The following NREP variants were observed in gnomAD, a reference collection of about 807,000 sequenced individuals.
NREP encodes neuronal regeneration related protein.
In NREP, 5 loss-of-function variants were observed where a neutral mutation model predicts 8.6. The observed-to-expected ratio is 0.58, with a 90% CI of 0.30 to 1.22. The LOEUF (loss-of-function observed/expected upper bound fraction) is 1.22. Among genes scored for constraint, NREP ranks in the 50% most tolerant of loss-of-function variants. The pLI is 0.07. For missense variants in NREP, 86 were observed against 82.5 expected, an observed-to-expected ratio of 1.04 and a Z score of -0.17; for synonymous variants, 27 against 28.0, an observed-to-expected ratio of 0.96 and a Z score of 0.11.
At chr5:111,856,168 C>T (rs1405292171) in intron 2 of NREP, among the ~76,000 whole-genome samples, 1 of 152,296 alleles carries the variant, frequency 6.6e-6, no homozygotes, top group East Asian at 1.9e-4. Context: ...CAGAGAAGCT[C>T]ATCCCAAAGG....
intron 2 of NREP, among the ~76,000 whole-genome samples, chr5:111,824,250 T>A (rs111630959): frequency 0.051 from 7,815 of 152,152 alleles, 475 homozygotes; most frequent in East Asian, 0.24. Context: ...GCACCTGTAA[T>A]CCCAGCTACT....
intron 2 of NREP, among the ~76,000 whole-genome samples, chr5:111,885,314 T>G (rs551080176): frequency 0.019 from 2,873 of 151,228 alleles, 38 homozygotes; most frequent in Non-Finnish European, 0.026. Flanking sequence ...CACTGCTCAA[T>G]GAAATAAAAG....
chr5:111,840,805 G>A (rs1398114114), intron 2 of NREP, among the ~76,000 whole-genome samples: 2 of 152,134 alleles, frequency 1.3e-5, no homozygotes, highest in Middle Eastern at 3.2e-3. Flanking sequence ...GATGTTGACA[G>A]GAAAAACTAT....
At chr5:111,797,197 C>T (rs1751893416) in intron 2 of NREP, among the ~76,000 whole-genome samples, 1 of 152,130 alleles carries the variant, frequency 6.6e-6, no homozygotes, top group Non-Finnish European at 1.5e-5. Context: ...TTTATCCATT[C>T]AATAAATATT....
At chr5:111,867,457 T>C (rs1753694314) in intron 2 of NREP, among the ~76,000 whole-genome samples, 1 of 152,156 alleles carries the variant, frequency 6.6e-6, no homozygotes, top group South Asian at 2.1e-4. Flanking sequence ...AGGCCACCAA[T>C]GCTGTTGGAT....
chr5:111,917,021 G>A (rs115626997), intron 2 of NREP, among the ~76,000 whole-genome samples: 3,045 of 152,172 alleles, frequency 0.02, 49 homozygotes, highest in Non-Finnish European at 0.028. Flanking sequence ...ATCCAATGTG[G>A]CATTTGACCT....
chr5:111,750,244 T>C (rs2112838126), intron 2 of NREP, among the ~76,000 whole-genome samples: 1 of 152,250 alleles, frequency 6.6e-6, no homozygotes, highest in East Asian at 1.9e-4. Context: ...GGAATACTCC[T>C]CTCTCTCATC....
At chr5:111,759,162 C>T (rs1750898217), upstream of NREP, among the ~76,000 whole-genome samples, 1 of 152,098 alleles carries the variant, frequency 6.6e-6, no homozygotes, top group South Asian at 2.1e-4. Context: ...AAGTCTGGAA[C>T]CCCAACACGC....
intron 2 of NREP, among the ~76,000 whole-genome samples, chr5:111,880,852 T>C (rs1166680663): frequency 3.4e-5 from 5 of 148,924 alleles, no homozygotes; most frequent in African/African-American, 1.2e-4. Flanking sequence ...GCAGCCAAGA[T>C]GGCTGAATAG....
chr5:111,784,106 C>A (rs1268302031), intron 2 of NREP, among the ~76,000 whole-genome samples: 1 of 152,154 alleles, frequency 6.6e-6, no homozygotes, highest in African/African-American at 2.4e-5. Flanking sequence ...CACAAATAAT[C>A]TGGGAATTCA....
chr5:111,805,768 A>T (rs1752125666), intron 2 of NREP, among the ~76,000 whole-genome samples: 1 of 58,612 alleles, frequency 1.7e-5, no homozygotes, highest in African/African-American at 5.5e-5. Context: ...GATAGAGAAG[A>T]GAAAATTTAT....
At chr5:111,734,146 C>G (rs1748881109) in intron 3 of NREP, 1 of 152,426 alleles carries the variant, frequency 6.6e-6, no homozygotes, top group African/African-American at 2.4e-5. Context: ...CTGAACTCAT[C>G]AAGGAACTAT....
At chr5:111,874,518 T>G (rs866460007) in intron 2 of NREP, among the ~76,000 whole-genome samples, 1 of 152,122 alleles carries the variant, frequency 6.6e-6, no homozygotes, top group African/African-American at 2.4e-5. Flanking sequence ...TGAAAAAATT[T>G]GGGGAATTTA....
intron 2 of NREP, among the ~76,000 whole-genome samples, chr5:111,812,765 A>G (rs936283839): frequency 1.4e-4 from 21 of 152,272 alleles, no homozygotes; most frequent in Non-Finnish European, 5.9e-5. Context: ...TACAGTCACT[A>G]TACTGTTATC....
At chr5:111,773,454 T>G (rs1751284217) in intron 2 of NREP, among the ~76,000 whole-genome samples, 1 of 152,206 alleles carries the variant, frequency 6.6e-6, no homozygotes, top group African/African-American at 2.4e-5. Context: ...AATGTAATAG[T>G]CAAAATCTCT....
intron 2 of NREP, among the ~76,000 whole-genome samples, chr5:111,864,602 A>T (rs1200039059): frequency 6.6e-6 from 1 of 152,068 alleles, no homozygotes; most frequent in Non-Finnish European, 1.5e-5. Context: ...TTTTTAAAAG[A>T]TCTCCTTAGG....
intron 2 of NREP, chr5:111,738,323 G>GC (rs1749338380): frequency 6.6e-6 from 1 of 152,094 alleles, no homozygotes; most frequent in Non-Finnish European, 1.5e-5. Flanking sequence ...TTGGTATTCC[G>GC]CAAGGGCCTG....
upstream of NREP, chr5:111,757,800 G>T (rs1750829718): frequency 1.0e-6 from 1 of 969,364 alleles, no homozygotes; most frequent in Non-Finnish European, 1.2e-6. Context: ...CCGCCTCGAC[G>T]TGCGGTTGCT....
chr5:111,779,951 T>G (rs1267882065), intron 2 of NREP, among the ~76,000 whole-genome samples: 1 of 152,234 alleles, frequency 6.6e-6, no homozygotes, highest in African/African-American at 2.4e-5. Context: ...TCATAATGTC[T>G]GAGGCTGAGG....
Sources: gnomAD v4.1 joint callset for allele counts (sites outside exome capture counted in the v4.1 genomes callset) on GRCh38, gnomAD v4.1.1 for gene constraint, MANE v1.5 for transcripts, NCBI Gene and HGNC (gene_info 2026-07-23, HGNC 2026-07-21) for gene names.